Variants in MS4A4E observed in about 807,000 individuals in gnomAD.
MS4A4E encodes putative membrane-spanning 4-domains subfamily A member 4E.
A neutral mutation model predicts 13.3 loss-of-function variants in MS4A4E; 23 were observed. The observed-to-expected ratio is 1.73, with a 90% CI of 1.25 to 2.45. MS4A4E has a LOEUF of 2.45. Among genes scored for constraint, MS4A4E ranks in the 30% most tolerant of loss-of-function variants. The pLI, the probability that MS4A4E is intolerant of heterozygous loss-of-function variation, is 0.00. For synonymous variants in MS4A4E, 36 were observed against 45.6 expected (o/e 0.79, Z 0.85); for missense variants, 144 against 131.2 (o/e 1.10, Z -0.48).
chr11:60,229,927 T>A lies in MS4A4E; in HGVS notation c.129A>T (p.Lys43Asn), dbSNP rs1393672902. 1.2e-6 allele frequency: 2 copies of A among 1,608,006 alleles called. No individual in the cohort carries two copies. The highest frequency in any genetic ancestry group is 1.7e-5 in the Admixed American group (1 of 58,904). ...KGLQEKFFKR[K>N]PKVLGVLCGH... ...ATTGACTTACCCCAAGGACTTTGGG[T>A]TTCCTCTTGAAGAACTTCTCTTGCA... Residue 43 changes from lysine to asparagine, a missense_variant, in exon 2 of 9, where the codon AAA becomes AAT. By Grantham distance (94) the Lys-to-Asn change is moderately conservative (BLOSUM62 0). Around this residue, in one of 3 missense-constraint regions of MS4A4E, gnomAD observed 119 missense variants for 88.7 expected, o/e 1.34. Coordinates refer to ENST00000651255, the MANE Select transcript of MS4A4E (RefSeq NM_001393391.1).
rs141037502 is a variant in MS4A4E at position 60,206,512 on chromosome 11, T to TATATAC, written c.484-693_484-692insGTATAT. Among the ~76,000 whole-genome samples, 81 of 98,336 alleles carry TATATAC rather than the reference T, an allele frequency of 8.2e-4. 6 individuals carry two copies. The highest frequency in any genetic ancestry group is 2.3e-3 in the African/African-American group (48 of 20,694). The allele number at this position is 98,336 out of a possible 152,430, so 64.5% of individuals were successfully genotyped here. A position where few individuals can be genotyped will look rare whatever the true frequency, so the allele number is the denominator to read the frequency against. ...ATGTATATATATACGTATATATATA[T>TATATAC]ACACACACACACACACAGAGGTCAT... On this transcript the variant is annotated intron_variant, in intron 6 of 8. Coordinates refer to ENST00000651255, the MANE Select transcript of MS4A4E (RefSeq NM_001393391.1).
At chr11:60,219,807 T>C (rs1351115157) in intron 3 of MS4A4E, among the ~76,000 whole-genome samples, 2 of 152,204 alleles carry the variant, frequency 1.3e-5, no homozygotes, top group East Asian at 1.9e-4. Flanking sequence ...GAGCTGACAT[T>C]GATTCCAGGG....
chr11:60,213,240 A>C, intron 4 of MS4A4E, 108 bp from the exon 5 acceptor site: 1 of 1,508,490 alleles, frequency 6.6e-7, no homozygotes, highest in South Asian at 1.2e-5. Flanking sequence ...ATAGTCTTCT[A>C]ACTTGTCTCC....
chr11:60,220,668 T>C (rs1032319028), intron 3 of MS4A4E, among the ~76,000 whole-genome samples: 3 of 152,194 alleles, frequency 2.0e-5, no homozygotes, highest in Non-Finnish European at 4.4e-5. Flanking sequence ...TAAATATGAC[T>C]AAAATTCAGG....
chr11:60,233,924 C>T (rs1324419610), intron 1 of MS4A4E, among the ~76,000 whole-genome samples: 1 of 152,202 alleles, frequency 6.6e-6, no homozygotes, highest in Non-Finnish European at 1.5e-5. Flanking sequence ...GATATGGGAG[C>T]AGGGTCATGT....
intron 1 of MS4A4E, among the ~76,000 whole-genome samples, chr11:60,238,275 C>T (rs2084509179): frequency 6.6e-6 from 1 of 151,818 alleles, no homozygotes; most frequent in Non-Finnish European, 1.5e-5. Flanking sequence ...TAAAATTCAC[C>T]AGTGAAATCA....
intron 8 of MS4A4E, among the ~76,000 whole-genome samples, chr11:60,204,157 A>G (rs975402879): frequency 1.3e-5 from 2 of 152,250 alleles, no homozygotes; most frequent in East Asian, 1.9e-4. Context: ...AATCCAAGAC[A>G]GAACAAAGAA....
chr11:60,222,931 T>C (rs896829430), intron 3 of MS4A4E, among the ~76,000 whole-genome samples: 3 of 152,136 alleles, frequency 2.0e-5, no homozygotes, highest in Admixed American at 2.0e-4. Context: ...AGGGTGTCTC[T>C]TAGTATTACC....
intron 1 of MS4A4E, among the ~76,000 whole-genome samples, chr11:60,238,205 A>AT (rs1478248906): frequency 6.6e-6 from 1 of 151,854 alleles, no homozygotes; most frequent in Admixed American, 6.6e-5. Context: ...TAAGTTTGGA[A>AT]TTGTTCCCTT....
intron 4 of MS4A4E, among the ~76,000 whole-genome samples, chr11:60,214,078 G>T (rs1260815234): frequency 6.6e-6 from 1 of 151,874 alleles, no homozygotes; most frequent in Admixed American, 6.6e-5. Context: ...TAATTTTTTT[G>T]TATTTTTAGT....
Position 60,214,617 on chromosome 11 carries a change from G to A in MS4A4E, c.179-3C>T. On this transcript the variant is annotated splice_polypyrimidine_tract_variant and splice_region_variant and intron_variant, in intron 3 of 8. Coordinates refer to ENST00000651255, the MANE Select transcript of MS4A4E (RefSeq NM_001393391.1). The stretch of plus-strand genomic sequence containing the variant: ...TCCTGCTGCAACTGATAAGGATACT[G>A]AAATAATAAAATAAGAATGAGAGAA... 1 of 1,515,188 alleles carries A rather than the reference G, an allele frequency of 6.6e-7. No individual in the cohort carries two copies. The highest frequency in any genetic ancestry group is 8.8e-7 in the Non-Finnish European group (1 of 1,135,456). 93.9% of individuals were successfully genotyped at this position (1,515,188 alleles called of 1,614,324 possible).
intron 3 of MS4A4E, among the ~76,000 whole-genome samples, chr11:60,217,098 A>G (rs1175121002): frequency 6.6e-6 from 1 of 152,148 alleles, no homozygotes. Flanking sequence ...AAGTGATGAA[A>G]GAAAATTATG....
intron 3 of MS4A4E, among the ~76,000 whole-genome samples, chr11:60,227,057 T>C (rs1160925159): frequency 6.6e-6 from 1 of 152,138 alleles, no homozygotes; most frequent in African/African-American, 2.4e-5. Flanking sequence ...AATTAAATAT[T>C]TAGGTATTGG....
chr11:60,209,795 T>C (rs774834538), intron 5 of MS4A4E, among the ~76,000 whole-genome samples: 1 of 152,226 alleles, frequency 6.6e-6, no homozygotes, highest in Non-Finnish European at 1.5e-5. Flanking sequence ...TTTCTCTCCA[T>C]GGTTAGGGAT....
At chr11:60,236,829 A>G (rs2084489695) in intron 1 of MS4A4E, among the ~76,000 whole-genome samples, 1 of 151,564 alleles carries the variant, frequency 6.6e-6, no homozygotes, top group African/African-American at 2.4e-5. Flanking sequence ...CTCCGCCTCC[A>G]GGGTTCAAGC....
At chr11:60,229,874 A>G (rs771793559) in intron 2 of MS4A4E, 38 bp downstream of exon 2, 4 of 1,560,480 alleles carry the variant, frequency 2.6e-6, no homozygotes, top group Non-Finnish European at 3.5e-6. Flanking sequence ...TGAGTTTACA[A>G]CACTATTGGT....
chr11:60,220,001 C>T (rs1321212782), intron 3 of MS4A4E, among the ~76,000 whole-genome samples: 1 of 152,156 alleles, frequency 6.6e-6, no homozygotes, highest in East Asian at 1.9e-4. Flanking sequence ...CTGTCAGGAC[C>T]CCCACACTGG....
At chr11:60,215,359 A>G (rs1317303745) in intron 3 of MS4A4E, among the ~76,000 whole-genome samples, 1 of 151,844 alleles carries the variant, frequency 6.6e-6, no homozygotes, top group African/African-American at 2.4e-5. Context: ...CATAAAATAC[A>G]TCATGAACAT....
intron 3 of MS4A4E, among the ~76,000 whole-genome samples, chr11:60,220,160 AAT>A (rs2084251102): frequency 1.3e-5 from 2 of 152,188 alleles, no homozygotes; most frequent in African/African-American, 2.4e-5. Context: ...AAGGACTTAA[AAT>A]ATGCAAGGGT....
Sources: allele counts gnomAD v4.1 joint callset (sites outside exome capture counted in the v4.1 genomes callset), GRCh38; gene constraint gnomAD v4.1.1; regional missense constraint gnomAD v4.1.1; transcripts MANE v1.5; gene names NCBI Gene and HGNC (gene_info 2026-07-23, HGNC 2026-07-21).